Variants in OFD1 observed in about 807,000 individuals in gnomAD.
OFD1 encodes centriole and centriolar satellite protein OFD1.
OFD1 carries 12 observed loss-of-function variants against 81.4 expected under a neutral mutation model. The observed-to-expected ratio is 0.15, with a 90% CI of 0.09 to 0.24. The LOEUF (loss-of-function observed/expected upper bound fraction) is 0.24. Ranked by LOEUF, OFD1 falls within the 10% of genes least tolerant of loss-of-function variation. The probability of loss-of-function intolerance (pLI) is 1.00; values close to 1 mark genes in which losing one functional copy is unlikely to be tolerated. For missense variants in OFD1, 685 were observed against 733.9 expected (o/e 0.93, Z 0.77); for synonymous variants, 256 against 263.7 (o/e 0.97, Z 0.28).
At chrX:13,763,182 G>A (rs2048001718) in intron 18 of OFD1, among the ~76,000 whole-genome samples, 1 of 112,767 alleles carries the variant, frequency 8.9e-6, no homozygotes, top group African/African-American at 3.2e-5. Flanking sequence ...AGAAACTGGT[G>A]TCCTGGCTAT....
At chrX:13,747,558 G>T (rs150478128) in intron 8 of OFD1, among the ~76,000 whole-genome samples, 1,932 of 111,962 alleles carry the variant, frequency 0.017, 18 homozygotes, top group Non-Finnish European at 0.027. Context: ...GCTCTCTTGG[G>T]TAGTGAAGGG....
chrX:13,734,702 T>G, upstream of OFD1: 1 of 976,348 alleles, frequency 1.0e-6, no homozygotes. Flanking sequence ...GCCGTAGCTC[T>G]TCAGCTCGGG....
At chrX:13,757,521 A>G in intron 13 of OFD1, 139 bp from the exon 14 acceptor site, 1 of 662,767 alleles carries the variant, frequency 1.5e-6, no homozygotes, top group South Asian at 2.7e-5. Flanking sequence ...AGCTCATTTA[A>G]TAGAATTATT....
In OFD1 at chrX:13,768,722, C is replaced by T. The variant is rs1191211673; in HGVS notation, c.2933C>T (p.Ser978Leu). Residue 978 changes from serine to leucine, a missense_variant, in exon 22 of 23, where the codon TCA becomes TTA. Ser to Leu is a moderately radical substitution (Grantham distance 145). Transcript: ENST00000340096. ...EQDQESADKS[S>L]KKMVQEGSLV... The stretch of plus-strand genomic sequence containing the variant: ...CCACCCTCTCCATGTAATCAGAGCT[C>T]AAAAAAGATGGTCCAAGAAGGCTCC... 2 of 1,208,359 alleles carry T rather than the reference C, an allele frequency of 1.7e-6. No individual in the cohort carries two copies. The highest frequency in any genetic ancestry group is 3.5e-5 in the South Asian group (2 of 56,843).
At chrX:13,736,189 G>A in intron 2 of OFD1, 2 of 914,571 alleles carry the variant, frequency 2.2e-6, no homozygotes, top group Non-Finnish European at 2.7e-6. Flanking sequence ...GGCTTCTAGG[G>A]AAGTGAAGTT....
chrX:13,745,851 G>A (rs939546221), intron 6 of OFD1, among the ~76,000 whole-genome samples: 15 of 111,858 alleles, frequency 1.3e-4, no homozygotes, highest in African/African-American at 4.6e-4. Context: ...TGTTCTTTAT[G>A]TGTAAAGGGG....
chrX:13,744,705 G>A (rs995863393), intron 6 of OFD1, among the ~76,000 whole-genome samples, 186 bp downstream of exon 6: 6 of 112,111 alleles, frequency 5.4e-5, no homozygotes, highest in Non-Finnish European at 1.1e-4. Flanking sequence ...TCATTCCCTA[G>A]CCTCATGAAT....
At chrX:13,746,739 A>T (rs1435237545) in intron 7 of OFD1, 41 bp from the exon 8 acceptor site, 1 of 1,044,476 alleles carries the variant, frequency 9.6e-7, no homozygotes, top group Non-Finnish European at 1.3e-6. Context: ...TTTTTATAGT[A>T]TAATAGTTGG....
At chrX:13,720,331 C>T in the OFD1 span, 1 of 124,603 alleles carries the variant, frequency 8.0e-6, no homozygotes, top group Non-Finnish European at 1.6e-5. Flanking sequence ...TTGGACTGGA[C>T]CAGTTAGTAG....
the OFD1 span, among the ~76,000 whole-genome samples, chrX:13,727,094 T>C: frequency 3.6e-5 from 4 of 111,908 alleles, no homozygotes; most frequent in African/African-American, 9.7e-5. Context: ...CAGGAGCACC[T>C]AGATTCATAA....
chrX:13,717,157 G>GT, the OFD1 span, among the ~76,000 whole-genome samples: 1 of 109,916 alleles, frequency 9.1e-6, no homozygotes, highest in Admixed American at 9.8e-5. Context: ...GTGGCACCAG[G>GT]TAAGCAGTAG....
At chrX:13,751,708 C>T (rs1330418453) in intron 10 of OFD1, among the ~76,000 whole-genome samples, 1 of 111,511 alleles carries the variant, frequency 9.0e-6, no homozygotes, top group African/African-American at 3.3e-5. Context: ...GTGGTGGGCA[C>T]TTGTAATCCC....
At chrX:13,763,595 G>T in intron 18 of OFD1, 150 bp from the exon 19 acceptor site, 1 of 479,522 alleles carries the variant, frequency 2.1e-6, no homozygotes, top group Non-Finnish European at 3.7e-6. Flanking sequence ...TGGTTATGTT[G>T]GGAACTTCAT....
Position 13,753,451 on chromosome X carries a change from G to A in OFD1, c.1129+10G>A. 8.3e-7 allele frequency: 1 copy of A among 1,207,456 alleles called. No homozygotes were observed. The highest frequency in any genetic ancestry group is 1.1e-6 in the Non-Finnish European group (1 of 891,860). On this transcript the variant is annotated intron_variant, in intron 11 of 22. Transcript: ENST00000340096. ...GAAAGGAAGAATAAAGGTGATGTTT[G>A]GGGGGAAAATAAGCTGTATTTTTCA... is the stretch of plus-strand genomic sequence containing the variant.
chrX:13,738,475 ATT>A (rs1372609759), intron 3 of OFD1, among the ~76,000 whole-genome samples: 1 of 112,708 alleles, frequency 8.9e-6, no homozygotes, highest in Admixed American at 9.4e-5. Flanking sequence ...ATCTATTTAC[ATT>A]TTTAAACAAT....
chrX:13,725,991 G>A, the OFD1 span, among the ~76,000 whole-genome samples: 1 of 111,904 alleles, frequency 8.9e-6, no homozygotes, highest in African/African-American at 3.2e-5. Context: ...ATTTGATCAA[G>A]TAGAAGAAAG....
the OFD1 span, chrX:13,715,746 GACA>G: frequency 1.2e-3 from 1,018 of 869,290 alleles, 1 homozygote; most frequent in Middle Eastern, 2.1e-3. Context: ...CAGCTATGAG[GACA>G]ACAAGGTGAA....
chrX:13,742,203 T>A (rs1293735276), intron 5 of OFD1, among the ~76,000 whole-genome samples: 2 of 112,198 alleles, frequency 1.8e-5, no homozygotes, highest in African/African-American at 3.2e-5. Context: ...ATTTTTTTTT[T>A]AACAAAGGTG....
At chrX:13,760,824 T>C in intron 16 of OFD1, 104 bp downstream of exon 16, 1 of 1,041,712 alleles carries the variant, frequency 9.6e-7, no homozygotes, top group African/African-American at 1.8e-5. Context: ...AGTGGCAAGG[T>C]CTAGTGTTTG....
Sources: allele counts gnomAD v4.1 joint callset (sites outside exome capture counted in the v4.1 genomes callset), GRCh38; gene constraint gnomAD v4.1.1; transcripts MANE v1.5; gene names NCBI Gene and HGNC (gene_info 2026-07-23, HGNC 2026-07-21).